STK10: variants seen among roughly 807,000 people sequenced by gnomAD.
STK10 encodes serine/threonine kinase 10, also known as serine/threonine-protein kinase 10.
In STK10, 78 loss-of-function variants were observed where a neutral mutation model predicts 113.8. That is an observed-to-expected ratio of 0.69 (90% CI 0.57 to 0.83). The LOEUF (loss-of-function observed/expected upper bound fraction) is 0.83. Among genes scored for constraint, STK10 ranks in the 40% least tolerant of loss-of-function variants. STK10 has a pLI of 0.00. For missense variants in STK10, 1,109 were observed against 1,280.1 expected (o/e 0.87, Z 2.04); for synonymous variants, 465 against 494.7 (o/e 0.94, Z 0.80).
intron 1 of STK10, among the ~76,000 whole-genome samples, chr5:172,175,486 A>G (rs559711579): frequency 6.6e-6 from 1 of 152,226 alleles, no homozygotes; most frequent in Non-Finnish European, 1.5e-5. Flanking sequence ...CTGCGGTCCC[A>G]GCAGCCCCAC....
chr5:172,114,461 ATATATATATATATTTTTTTTTT>A (rs1233480647), intron 4 of STK10: 8 of 29,674 alleles, frequency 2.7e-4, no homozygotes, highest in African/African-American at 1.0e-3. Context: ...ATATATATAT[ATATATATATATATTTTTTTTTT>A]TTTTTTTTTT....
chr5:172,106,419 G>GAAAAAAAAAAAAAAAAAAAAAAA (rs1769110876), intron 6 of STK10, among the ~76,000 whole-genome samples: 1 of 102,106 alleles, frequency 9.8e-6, no homozygotes, highest in African/African-American at 3.7e-5. Flanking sequence ...AAAAAAAAAA[G>GAAAAAAAAAAAAAAAAAAAAAAA]GAACACAAAG....
intron 6 of STK10, 84 bp downstream of exon 6, chr5:172,106,536 A>G: frequency 1.4e-6 from 2 of 1,403,380 alleles, no homozygotes; most frequent in Admixed American, 4.9e-5. Flanking sequence ...CTACCACTGC[A>G]CCTCCCCAGC....
rs1378997172 is a variant in STK10, at chr5:172,100,848, T to A, written c.871-4288A>T. On this transcript the variant is annotated intron_variant, in intron 7 of 18. Transcript: ENST00000176763. ...TGCTCGCAGTTTTCAGGCGCTGGCA[T>A]CTCTTTCAATCCTCTCTCCCTTCTG... Among the ~76,000 whole-genome samples, 3 of 152,246 alleles carry A rather than the reference T, an allele frequency of 2.0e-5. No homozygotes were observed. The East Asian group carries it at 5.8e-4, about 29-fold the overall frequency.
chr5:172,113,205 A>G (rs76964140), intron 4 of STK10, among the ~76,000 whole-genome samples: 1 of 152,268 alleles, frequency 6.6e-6, no homozygotes, highest in East Asian at 1.9e-4. Context: ...TGAAAAGAGA[A>G]TTGCACACTG....
At chr5:172,045,196 G>GT (rs1202756475) in intron 18 of STK10, among the ~76,000 whole-genome samples, 174 bp from the exon 19 acceptor site, 1 of 152,044 alleles carries the variant, frequency 6.6e-6, no homozygotes, top group African/African-American at 2.4e-5. Flanking sequence ...CCCACAGGAG[G>GT]TAAGTACCAC....
intron 2 of STK10, among the ~76,000 whole-genome samples, chr5:172,135,421 A>AG (rs1198658974): frequency 6.6e-6 from 1 of 152,114 alleles, no homozygotes; most frequent in Non-Finnish European, 1.5e-5. Context: ...CTGAGACAAA[A>AG]GAATCATTTG....
chr5:172,140,977 C>T (rs1769959619), intron 2 of STK10, among the ~76,000 whole-genome samples: 2 of 152,104 alleles, frequency 1.3e-5, no homozygotes, highest in Non-Finnish European at 2.9e-5. Flanking sequence ...TGGATGAACC[C>T]TGAGGACATT....
intron 1 of STK10, among the ~76,000 whole-genome samples, chr5:172,181,876 C>G (rs1271947467): frequency 6.6e-6 from 1 of 152,018 alleles, no homozygotes; most frequent in Non-Finnish European, 1.5e-5. Context: ...AAAAAATTCA[C>G]CACAACATCA....
intron 1 of STK10, among the ~76,000 whole-genome samples, chr5:172,165,954 C>T (rs1454722468): frequency 5.9e-5 from 9 of 152,060 alleles, no homozygotes; most frequent in Non-Finnish European, 1.0e-4. Flanking sequence ...CCACCACGCC[C>T]GGCTGTTTTT....
chr5:172,166,412 T>C (rs1770572871), intron 1 of STK10, among the ~76,000 whole-genome samples: 1 of 152,108 alleles, frequency 6.6e-6, no homozygotes. Flanking sequence ...TCTCTGGGGC[T>C]GTTCCAGCAA....
intron 8 of STK10, 32 bp downstream of exon 8, chr5:172,096,394 C>G (rs774258059): frequency 1.2e-6 from 2 of 1,605,502 alleles, no homozygotes; most frequent in Non-Finnish European, 1.7e-6. Flanking sequence ...GTCCTCCCAG[C>G]CCCCGCTAAG....
chr5:172,096,625 G>C, intron 7 of STK10, 65 bp from the exon 8 acceptor site: 3 of 1,590,550 alleles, frequency 1.9e-6, no homozygotes, highest in Non-Finnish European at 2.6e-6. Flanking sequence ...GAAGAGGCTG[G>C]GGGAGCTCAC....
chr5:172,088,555 A>T (rs1274642864), intron 10 of STK10, among the ~76,000 whole-genome samples: 1 of 152,224 alleles, frequency 6.6e-6, no homozygotes, highest in Non-Finnish European at 1.5e-5. Context: ...AATTAAAAAA[A>T]TTTTAATTCA....
At chr5:172,056,772 G>A (rs1476607585) in intron 15 of STK10, among the ~76,000 whole-genome samples, 1 of 151,664 alleles carries the variant, frequency 6.6e-6, no homozygotes, top group African/African-American at 2.4e-5. Flanking sequence ...TACTCGGGAG[G>A]CTGAGGCAGG....
intron 7 of STK10, among the ~76,000 whole-genome samples, chr5:172,100,517 T>C (rs1016666349): frequency 2.0e-5 from 3 of 152,170 alleles, no homozygotes; most frequent in African/African-American, 7.2e-5. Flanking sequence ...CCAGGCATGG[T>C]GGCTCACACC....
intron 3 of STK10, among the ~76,000 whole-genome samples, chr5:172,123,000 A>G: frequency 6.6e-6 from 1 of 152,216 alleles, no homozygotes; most frequent in African/African-American, 2.4e-5. Context: ...TGGATGTTAC[A>G]TAGAATGGCC....
chr5:172,081,671 G>A (rs527584991), intron 12 of STK10, among the ~76,000 whole-genome samples: 71 of 152,166 alleles, frequency 4.7e-4, no homozygotes, highest in African/African-American at 1.7e-3. Flanking sequence ...GGGCTCTGAG[G>A]TCCTCTGAGG....
At chr5:172,114,065 A>G (rs181285562) in intron 4 of STK10, among the ~76,000 whole-genome samples, 9 of 152,282 alleles carry the variant, frequency 5.9e-5, no homozygotes, top group African/African-American at 1.9e-4. Flanking sequence ...TATGACTCCC[A>G]TTTTACAGAT....
Sources: gnomAD v4.1 joint callset for allele counts (sites outside exome capture counted in the v4.1 genomes callset) on GRCh38, gnomAD v4.1.1 for gene constraint, MANE v1.5 for transcripts, NCBI Gene and HGNC (gene_info 2026-07-23, HGNC 2026-07-21) for gene names.